The following ERG variants were observed in gnomAD, a reference collection of about 807,000 sequenced individuals.
ERG encodes ETS transcription factor ERG, also known as transcriptional regulator ERG.
Under a neutral mutation model 55.3 loss-of-function variants are expected in ERG, and 9 were observed. That is an observed-to-expected ratio of 0.16 (90% confidence interval 0.10 to 0.28). ERG has a LOEUF of 0.28. Among genes scored for constraint, ERG ranks in the 10% least tolerant of loss-of-function variants. ERG has a pLI of 1.00. For missense variants in ERG, 434 were observed against 631.6 expected (o/e 0.69, Z 3.35); for synonymous variants, 223 against 237.3 (o/e 0.94, Z 0.55).
At chr21:38,451,674 G>A (rs1231497228) in intron 1 of ERG, among the ~76,000 whole-genome samples, 2 of 152,160 alleles carry the variant, frequency 1.3e-5, no homozygotes. Context: ...TGTATTTGGA[G>A]GAGGAAAAAA....
rs1987572028 is a variant in ERG at position 38,384,000 on chromosome 21, A to G, written c.920-77T>C. On this transcript the variant is annotated intron_variant, in intron 9 of 9. Coordinates refer to ENST00000288319, the MANE Select transcript of ERG (RefSeq NM_182918.4). The surrounding 1 kb of genome is among the most constrained non-coding windows in gnomAD (Gnocchi z 5.7). ...GAAAGAGGCTCTCTGTGATGACGGA[A>G]GGAGGTGCTATTGGTGTGCCGCCCA... is the stretch of plus-strand genomic sequence containing the variant. 1.3e-6 allele frequency: 2 copies of G among 1,524,292 alleles called. No individual in the cohort carries two copies. Among genetic ancestry groups the G allele is most frequent in the South Asian group, 1.3e-5 (1 of 78,634 alleles). The allele number at this position is 1,524,292 out of a possible 1,614,324, so 94.4% of individuals were successfully genotyped here.
upstream of ERG, among the ~76,000 whole-genome samples, chr21:38,585,532 C>CTTCTTTTTTTTTTTTTTT: frequency 1.7e-5 from 1 of 59,282 alleles, no homozygotes; most frequent in East Asian, 6.4e-4. Context: ...TCTCTCTCTT[C>CTTCTTTTTTTTTTTTTTT]TTTTTTTTTT....
intron 2 of ERG, among the ~76,000 whole-genome samples, chr21:38,555,717 T>C (rs542983881): frequency 2.0e-5 from 3 of 152,326 alleles, no homozygotes; most frequent in African/African-American, 7.2e-5. Context: ...AGTACACTTC[T>C]AATAAAGTTA....
chr21:38,547,905 T>C lies in ERG; in HGVS notation c.-41+27757A>G, dbSNP rs1177758496. ...ATACTTAGGGTCTAACCACAAGGCA[T>C]AAAATGCAAAAAAAATTACATAATC... On this transcript the variant is annotated intron_variant, in intron 2 of 8. Transcript: ENST00000398897. Among the ~76,000 whole-genome samples the C allele has an allele frequency of 2.1e-5, 3 of 144,694 alleles. No homozygotes were observed. In the South Asian group the frequency reaches 6.8e-4, roughly 33 times the overall value. The allele number at this position is 144,694 out of a possible 152,430, so 94.9% of individuals were successfully genotyped here.
chr21:38,410,573 G>A (rs954335197), intron 3 of ERG, among the ~76,000 whole-genome samples: 1 of 152,198 alleles, frequency 6.6e-6, no homozygotes, highest in Non-Finnish European at 1.5e-5. Context: ...GGGAGTGGGG[G>A]TATAAGCAGT....
chr21:38,465,184 T>C (rs938651415), intron 1 of ERG, among the ~76,000 whole-genome samples: 10 of 152,206 alleles, frequency 6.6e-5, no homozygotes, highest in African/African-American at 2.2e-4. Flanking sequence ...AAGTGTTCTA[T>C]GTAAGTAGGT....
chr21:38,446,664 T>C (rs1298481203), intron 1 of ERG, among the ~76,000 whole-genome samples: 2 of 152,152 alleles, frequency 1.3e-5, no homozygotes, highest in East Asian at 1.9e-4. Flanking sequence ...AAAGGCTAGT[T>C]GGGCCACACA....
chr21:38,513,125 G>A (rs1005705760), intron 2 of ERG, among the ~76,000 whole-genome samples: 10 of 86,392 alleles, frequency 1.2e-4, no homozygotes, highest in Non-Finnish European at 1.8e-4. Context: ...GTAAGACTCC[G>A]TCTCAAAAAA....
chr21:38,448,164 T>G (rs1318008584), intron 1 of ERG, among the ~76,000 whole-genome samples: 1 of 152,138 alleles, frequency 6.6e-6, no homozygotes. Context: ...CATTCTCACA[T>G]CTGGCAAAGC....
At chr21:38,406,988 G>T (rs1233746955) in intron 3 of ERG, among the ~76,000 whole-genome samples, 1 of 152,144 alleles carries the variant, frequency 6.6e-6, no homozygotes, top group Non-Finnish European at 1.5e-5. Context: ...GTTGGTAAAA[G>T]GCTGTTCTGG....
At chr21:38,636,411 C>G (rs1290467620) in intron 1 of ERG, among the ~76,000 whole-genome samples, 1 of 152,048 alleles carries the variant, frequency 6.6e-6, no homozygotes, top group Non-Finnish European at 1.5e-5. Context: ...GGGTCCGGCT[C>G]CCACCAAAAG....
At chr21:38,569,533 T>C (rs1015745972) in intron 2 of ERG, among the ~76,000 whole-genome samples, 5 of 152,244 alleles carry the variant, frequency 3.3e-5, no homozygotes, top group Admixed American at 2.0e-4. Flanking sequence ...CCACCTAATT[T>C]TTCCTCTCTC....
chr21:38,554,907 A>G (rs1257620000), intron 2 of ERG, among the ~76,000 whole-genome samples: 1 of 152,218 alleles, frequency 6.6e-6, no homozygotes, highest in Non-Finnish European at 1.5e-5. Flanking sequence ...AGATTTAATT[A>G]AAAATTAAAC....
the ERG span, chr21:38,367,530 C>A: frequency 2.2e-6 from 1 of 452,648 alleles, no homozygotes; most frequent in Non-Finnish European, 4.3e-6. Context: ...GCAGTCTCTT[C>A]CCCCAGAATA....
intron 1 of ERG, among the ~76,000 whole-genome samples, chr21:38,626,025 G>A (rs1024776841): frequency 1.4e-5 from 2 of 145,292 alleles, no homozygotes; most frequent in African/African-American, 5.1e-5. Context: ...CAGTTCAAGC[G>A]ATTCTCCTGC....
intron 1 of ERG, among the ~76,000 whole-genome samples, chr21:38,633,711 G>A (rs1363992794): frequency 1.6e-4 from 25 of 151,930 alleles, no homozygotes; most frequent in Admixed American, 1.4e-3. Flanking sequence ...TTCCTTACCA[G>A]GATGAAAATA....
intron 1 of ERG, among the ~76,000 whole-genome samples, chr21:38,490,468 G>A (rs559633751): frequency 1.3e-5 from 2 of 152,298 alleles, no homozygotes; most frequent in Admixed American, 1.3e-4. Flanking sequence ...CGATGGAAAA[G>A]CCTATCTCCT....
chr21:38,464,116 T>A (rs1290816456), intron 1 of ERG, among the ~76,000 whole-genome samples: 2 of 152,124 alleles, frequency 1.3e-5, no homozygotes, highest in African/African-American at 4.8e-5. Context: ...TATTAAGAAT[T>A]CCCTTGGCAA....
At chr21:38,402,519 A>G (rs1342094165) in intron 5 of ERG, 38 bp downstream of exon 5, 2 of 1,519,386 alleles carry the variant, frequency 1.3e-6, no homozygotes, top group South Asian at 2.3e-5. Flanking sequence ...GTAAGACCCT[A>G]CGCTCTTGCT....
Sources: allele counts gnomAD v4.1 joint callset (sites outside exome capture counted in the v4.1 genomes callset), GRCh38; gene constraint gnomAD v4.1.1; non-coding constraint Gnocchi (gnomAD v3.1); transcripts MANE v1.5; gene names NCBI Gene and HGNC (gene_info 2026-07-23, HGNC 2026-07-21).